Variants in SH3KBP1 observed in about 807,000 individuals in gnomAD.
SH3KBP1 encodes SH3 domain-containing kinase-binding protein 1.
In SH3KBP1, 8 loss-of-function variants were observed where a neutral mutation model predicts 50.1. The ratio of observed to expected loss-of-function variants is 0.16; its 90% CI spans 0.09 to 0.29. SH3KBP1 has a LOEUF of 0.29. SH3KBP1 is among the 10% of genes least tolerant of loss of function. The probability of loss-of-function intolerance (pLI) is 1.00; values close to 1 mark genes in which losing one functional copy is unlikely to be tolerated. For missense variants in SH3KBP1, 377 were observed against 535.2 expected (o/e 0.70, Z 2.92); for synonymous variants, 227 against 218.6 (o/e 1.04, Z -0.34).
chrX:19,538,170 C>A (rs2064774178), intron 16 of SH3KBP1, among the ~76,000 whole-genome samples: 1 of 111,633 alleles, frequency 9.0e-6, no homozygotes, highest in South Asian at 3.8e-4. Flanking sequence ...CATAACCATT[C>A]CTTTATTACA....
At chrX:19,541,392 C>T (rs761139161) in intron 16 of SH3KBP1, among the ~76,000 whole-genome samples, 65 of 111,841 alleles carry the variant, frequency 5.8e-4, no homozygotes, top group Admixed American at 1.8e-3. Context: ...CCCACTGCCC[C>T]GCCCCGCCCA....
intron 1 of SH3KBP1, among the ~76,000 whole-genome samples, chrX:19,865,429 G>A (rs767243650): frequency 8.9e-6 from 1 of 112,061 alleles, no homozygotes; most frequent in South Asian, 3.7e-4. Flanking sequence ...AGAGGGTGGA[G>A]GTGGAGGAGG....
At chrX:19,608,306 CTTTT>C (rs57794070) in intron 8 of SH3KBP1, among the ~76,000 whole-genome samples, 1 of 87,292 alleles carries the variant, frequency 1.1e-5, no homozygotes, top group Non-Finnish European at 2.2e-5. Context: ...TTCTTTCTTT[CTTTT>C]TTTTTTTTTT....
At chrX:19,872,314 G>A (rs371220319) in intron 1 of SH3KBP1, among the ~76,000 whole-genome samples, 4 of 107,558 alleles carry the variant, frequency 3.7e-5, no homozygotes, top group Non-Finnish European at 5.8e-5. Context: ...GGCAAAAAGC[G>A]GGAGAGAAAA....
chrX:19,729,974 C>T (rs1190451891), intron 3 of SH3KBP1, among the ~76,000 whole-genome samples: 2 of 111,545 alleles, frequency 1.8e-5, no homozygotes, highest in African/African-American at 6.5e-5. Flanking sequence ...CCTAACCACA[C>T]AGTGCCAGAC....
intron 1 of SH3KBP1, among the ~76,000 whole-genome samples, chrX:19,857,168 T>C: frequency 9.2e-6 from 1 of 108,376 alleles, no homozygotes; most frequent in South Asian, 4.0e-4. Flanking sequence ...CTCTAATCAA[T>C]TGGCAAGATG....
At chrX:19,619,715 G>C (rs764050679) in intron 8 of SH3KBP1, among the ~76,000 whole-genome samples, 22 of 112,025 alleles carry the variant, frequency 2.0e-4, no homozygotes, top group Non-Finnish European at 3.6e-4. Flanking sequence ...CCAGGAGGCA[G>C]AAGTTGCAGT....
intron 1 of SH3KBP1, among the ~76,000 whole-genome samples, chrX:19,887,060 G>T (rs1007663766): frequency 5.4e-5 from 6 of 111,495 alleles, no homozygotes; most frequent in Non-Finnish European, 1.1e-4. Flanking sequence ...GAGCCGCCCG[G>T]GGCCAGCCCC....
At chrX:19,754,259 G>A (rs5955841) in intron 2 of SH3KBP1, among the ~76,000 whole-genome samples, 4,371 of 111,621 alleles carry the variant, frequency 0.039, 193 homozygotes, top group African/African-American at 0.13. Context: ...ACAAAAATGA[G>A]AACGACTACC....
At chrX:19,646,471 A>G (rs1282372427) in intron 6 of SH3KBP1, among the ~76,000 whole-genome samples, 1 of 112,114 alleles carries the variant, frequency 8.9e-6, no homozygotes, top group Non-Finnish European at 1.9e-5. Context: ...TATTGATACC[A>G]GGGCAACAGC....
At chrX:19,619,934 G>C (rs758421875) in intron 8 of SH3KBP1, among the ~76,000 whole-genome samples, 1 of 112,031 alleles carries the variant, frequency 8.9e-6, no homozygotes, top group South Asian at 3.7e-4. Flanking sequence ...CCGCTTAATC[G>C]GAAATCTTAA....
chrX:19,779,659 T>C (rs1424587008), intron 2 of SH3KBP1, among the ~76,000 whole-genome samples: 2 of 99,869 alleles, frequency 2.0e-5, no homozygotes, highest in African/African-American at 7.3e-5. Context: ...TTCCCACCTA[T>C]GAGTGAGAAT....
intron 9 of SH3KBP1, among the ~76,000 whole-genome samples, chrX:19,600,851 T>TA (rs1288113770): frequency 6.8e-4 from 74 of 108,820 alleles, no homozygotes; most frequent in South Asian, 4.0e-3. Context: ...AGGTAAGTGC[T>TA]AAAAAAAAAC....
At chrX:19,660,722 A>G (rs2062424902) in intron 6 of SH3KBP1, among the ~76,000 whole-genome samples, 1 of 112,037 alleles carries the variant, frequency 8.9e-6, no homozygotes, top group South Asian at 3.7e-4. Context: ...TCTGGGAAAA[A>G]TGGGCTGTTG....
At chrX:19,691,878 G>A (rs1357290445) in intron 5 of SH3KBP1, among the ~76,000 whole-genome samples, 7 of 111,332 alleles carry the variant, frequency 6.3e-5, no homozygotes, top group Non-Finnish European at 1.3e-4. Flanking sequence ...AATATCTGGG[G>A]TTTGCCTTCA....
chrX:19,632,393 T>C (rs1013499747), intron 7 of SH3KBP1, among the ~76,000 whole-genome samples: 2 of 112,795 alleles, frequency 1.8e-5, no homozygotes, highest in African/African-American at 6.4e-5. Flanking sequence ...TATTTATACA[T>C]GTTACAAAGC....
chrX:19,886,092 G>A (rs922705719), intron 1 of SH3KBP1, among the ~76,000 whole-genome samples: 3 of 112,111 alleles, frequency 2.7e-5, no homozygotes, highest in African/African-American at 9.8e-5. Flanking sequence ...GAAGGGCACT[G>A]TGAAAAAAGT....
At chrX:19,584,771 C>G (rs2066507659) in intron 12 of SH3KBP1, among the ~76,000 whole-genome samples, 1 of 112,421 alleles carries the variant, frequency 8.9e-6, no homozygotes, top group Admixed American at 9.5e-5. Context: ...GAAAGCCGCA[C>G]TTGGCAGCAA....
chrX:19,683,698 A>G, intron 6 of SH3KBP1, 125 bp downstream of exon 6: 1 of 589,900 alleles, frequency 1.7e-6, no homozygotes, highest in Non-Finnish European at 2.8e-6. Context: ...GACAGGACAA[A>G]CAACTAGTAC....
Sources: allele counts gnomAD v4.1 joint callset (sites outside exome capture counted in the v4.1 genomes callset), GRCh38; gene constraint gnomAD v4.1.1; transcripts MANE v1.5; gene names NCBI Gene and HGNC (gene_info 2026-07-23, HGNC 2026-07-21).